The following CNTNAP4 variants were observed in gnomAD, a reference collection of about 807,000 sequenced individuals.
CNTNAP4 encodes contactin associated protein family member 4, also known as contactin-associated protein-like 4.
CNTNAP4 carries 98 observed loss-of-function variants against 148.4 expected under a neutral mutation model. That is an observed-to-expected ratio of 0.66 (90% CI 0.56 to 0.78). The LOEUF is 0.78. CNTNAP4 is among the 30% of genes least tolerant of loss of function. CNTNAP4 has a pLI of 0.00. For synonymous variants in CNTNAP4, 730 were observed against 565.1 expected (o/e 1.29, Z -4.14); for missense variants, 1,935 against 1,565.6 (o/e 1.24, Z -3.98).
intron 11 of CNTNAP4, among the ~76,000 whole-genome samples, chr16:76,478,737 A>G (rs1351944316): frequency 6.6e-6 from 1 of 152,158 alleles, no homozygotes; most frequent in Non-Finnish European, 1.5e-5. Flanking sequence ...TTATGGATCT[A>G]AACACACTGA....
intron 3 of CNTNAP4, among the ~76,000 whole-genome samples, chr16:76,363,253 C>T (rs1195407091): frequency 6.6e-6 from 1 of 151,084 alleles, no homozygotes; most frequent in Non-Finnish European, 1.5e-5. Flanking sequence ...ACTTCTGCCT[C>T]CTGGGTTCAA....
chr16:76,548,101 C>T (rs2084810661), intron 21 of CNTNAP4, among the ~76,000 whole-genome samples: 1 of 152,182 alleles, frequency 6.6e-6, no homozygotes, highest in South Asian at 2.1e-4. Context: ...GTTTATAACT[C>T]AGTACAGTAG....
chr16:76,510,217 G>T (rs2082957318), intron 15 of CNTNAP4, among the ~76,000 whole-genome samples: 1 of 151,652 alleles, frequency 6.6e-6, no homozygotes, highest in Non-Finnish European at 1.5e-5. Flanking sequence ...TGCATATTCT[G>T]AATATTTCAT....
chr16:76,338,485 A>G (rs978574708), intron 2 of CNTNAP4, among the ~76,000 whole-genome samples: 6 of 151,994 alleles, frequency 3.9e-5, no homozygotes, highest in South Asian at 4.1e-4. Flanking sequence ...GAAGGCTCCA[A>G]TCCTTCACTG....
chr16:76,541,379 A>G (rs2084448168), intron 21 of CNTNAP4, among the ~76,000 whole-genome samples: 1 of 152,250 alleles, frequency 6.6e-6, no homozygotes, highest in African/African-American at 2.4e-5. Flanking sequence ...CCATTTTAAC[A>G]TCAGAATATG....
intron 14 of CNTNAP4, 23 bp downstream of exon 14, chr16:76,495,089 A>G: frequency 6.2e-7 from 1 of 1,610,434 alleles, no homozygotes; most frequent in South Asian, 1.1e-5. Flanking sequence ...TGATTTCTTT[A>G]TGCAAGAAAA....
chr16:76,548,035 C>T (rs978443769), intron 21 of CNTNAP4, among the ~76,000 whole-genome samples: 1 of 152,196 alleles, frequency 6.6e-6, no homozygotes, highest in Non-Finnish European at 1.5e-5. Flanking sequence ...AAGGGAAATA[C>T]CTGCCACTGT....
At chr16:76,298,973 T>C (rs1486976290) in intron 1 of CNTNAP4, among the ~76,000 whole-genome samples, 2 of 152,122 alleles carry the variant, frequency 1.3e-5, no homozygotes, top group Non-Finnish European at 2.9e-5. Flanking sequence ...CTAACTTCAT[T>C]AGTTACAACG....
At chr16:76,319,091 C>CA (rs1362137337) in intron 2 of CNTNAP4, among the ~76,000 whole-genome samples, 2 of 151,610 alleles carry the variant, frequency 1.3e-5, no homozygotes, top group Admixed American at 6.6e-5. Context: ...GGAAGGGGAT[C>CA]AAAAAAAGGC....
intron 3 of CNTNAP4, among the ~76,000 whole-genome samples, chr16:76,359,317 A>T (rs919163724): frequency 6.6e-6 from 1 of 152,232 alleles, no homozygotes; most frequent in South Asian, 2.1e-4. Context: ...TAGGAAACAC[A>T]TAAGGCATTA....
intron 12 of CNTNAP4, among the ~76,000 whole-genome samples, chr16:76,481,787 G>C (rs752996313): frequency 8.5e-5 from 13 of 152,150 alleles, no homozygotes; most frequent in Admixed American, 4.6e-4. Context: ...GAAACAGAAA[G>C]TACCAAGTTC....
intron 3 of CNTNAP4, among the ~76,000 whole-genome samples, chr16:76,394,167 C>T (rs1014665603): frequency 1.3e-5 from 2 of 152,116 alleles, no homozygotes; most frequent in Admixed American, 6.5e-5. Context: ...TGGCATTCAT[C>T]GTGAGAGACT....
chr16:76,386,385 A>T lies in CNTNAP4; in HGVS notation c.390+30874A>T, dbSNP rs186476151. Among the ~76,000 whole-genome samples the T allele has an allele frequency of 7.8e-4, 119 of 152,244 alleles. No individual in the cohort carries two copies. In the East Asian group the frequency reaches 0.014, roughly 18 times the overall value. ...GCCTTCTCAGTGGTACACATTTTTT[A>T]AAAAAATTTGATTTGCTTGCTCTCA... On this transcript the variant is annotated intron_variant, in intron 3 of 23. Transcript: ENST00000611870.
At chr16:76,408,814 A>T (rs2078695310) in intron 3 of CNTNAP4, among the ~76,000 whole-genome samples, 1 of 151,952 alleles carries the variant, frequency 6.6e-6, no homozygotes, top group Admixed American at 6.6e-5. Flanking sequence ...CTTAGTAAGG[A>T]CTATTGATTT....
intron 2 of CNTNAP4, among the ~76,000 whole-genome samples, chr16:76,342,710 G>C (rs1046960670): frequency 6.6e-6 from 1 of 152,012 alleles, no homozygotes; most frequent in African/African-American, 2.4e-5. Context: ...CTGACCTCGT[G>C]ATCTGCCCAC....
At chr16:76,522,995 C>G (rs868714150) in intron 17 of CNTNAP4, among the ~76,000 whole-genome samples, 124 of 151,982 alleles carry the variant, frequency 8.2e-4, no homozygotes, top group African/African-American at 2.9e-3. Context: ...GAACTCCTGA[C>G]CTCAGGTGAT....
chr16:76,526,964 G>C (rs183867481), intron 17 of CNTNAP4, among the ~76,000 whole-genome samples: 3 of 152,040 alleles, frequency 2.0e-5, no homozygotes, highest in Non-Finnish European at 4.4e-5. Context: ...GTGAGGCACC[G>C]CACCAGCCTA....
chr16:76,381,681 C>T (rs1020091318), intron 3 of CNTNAP4, among the ~76,000 whole-genome samples: 5 of 152,100 alleles, frequency 3.3e-5, no homozygotes, highest in Non-Finnish European at 1.5e-5. Flanking sequence ...ATGTTATTTA[C>T]TTAAATAAAG....
At chr16:76,383,468 A>T (rs915675509) in intron 3 of CNTNAP4, among the ~76,000 whole-genome samples, 8 of 152,096 alleles carry the variant, frequency 5.3e-5, no homozygotes, top group Non-Finnish European at 1.2e-4. Flanking sequence ...ATTATAGAAC[A>T]AATGGGGCCA....
Sources: allele counts gnomAD v4.1 joint callset (sites outside exome capture counted in the v4.1 genomes callset), GRCh38; gene constraint gnomAD v4.1.1; transcripts MANE v1.5; gene names NCBI Gene and HGNC (gene_info 2026-07-23, HGNC 2026-07-21).